FAAH: variants seen among roughly 807,000 people sequenced by gnomAD.
FAAH encodes fatty acid amide hydrolase, also known as fatty-acid amide hydrolase 1.
In FAAH, 63 loss-of-function variants were observed where a neutral mutation model predicts 69.7. The observed-to-expected ratio is 0.90, with a 90% confidence interval of 0.74 to 1.12. The LOEUF (loss-of-function observed/expected upper bound fraction) is 1.12. Among genes scored for constraint, FAAH ranks in the 50% most tolerant of loss-of-function variants. The probability of loss-of-function intolerance (pLI) is 0.00; values close to 1 mark genes in which losing one functional copy is unlikely to be tolerated. For missense variants in FAAH, 680 were observed against 755.0 expected, an observed-to-expected ratio of 0.90 and a Z score of 1.16; for synonymous variants, 305 against 324.2, an observed-to-expected ratio of 0.94 and a Z score of 0.64.
At position 46,404,977 on chromosome 1, in the gene FAAH, G is replaced by A. The variant is rs1417064298; in HGVS notation, c.310-37G>A. 3 of 1,613,522 alleles carry A rather than the reference G, an allele frequency of 1.9e-6. No individual in the cohort carries two copies. The African/African-American group carries it at 4.0e-5, about 22-fold the overall frequency. On this transcript the variant is annotated intron_variant, in intron 2 of 14. Coordinates refer to ENST00000243167, the MANE Select transcript of FAAH (RefSeq NM_001441.3). This position sits in a 1 kb window ranked among gnomAD's most constrained non-coding sequence, Gnocchi z 4.5. Reference sequence around the variant, plus strand: ...TCACCACAATTTCTTAAAAAGGCCAGCCTCCTTTTATCTTATGTCTACTTC... The same window carrying A: ...TCACCACAATTTCTTAAAAAGGCCAACCTCCTTTTATCTTATGTCTACTTC...
Position 46,413,742 on chromosome 1 carries a change from T to G in FAAH, c.*167T>G. The G allele has an allele frequency of 5.4e-6, 5 of 921,006 alleles. No individual in the cohort carries two copies. The highest frequency in any genetic ancestry group is 8.4e-6 in the Non-Finnish European group (5 of 597,444). 57.1% of individuals were successfully genotyped at this position (921,006 alleles called of 1,614,324 possible). A position where few individuals can be genotyped will look rare whatever the true frequency, so the allele number is the denominator to read the frequency against. On this transcript the variant is annotated 3_prime_UTR_variant, in exon 15 of 15. Coordinates refer to ENST00000243167, the MANE Select transcript of FAAH (RefSeq NM_001441.3). ...AGCGCCGACTCCCTGAGTCTGGACC[T>G]CCATCCCTGCTCTGGTCCCCTCTCT... is the stretch of plus-strand genomic sequence containing the variant.
rs1479887822 is a variant in FAAH, at chr1:46,411,519, G to A, written c.1317-93G>A. 3.0e-6 allele frequency: 4 copies of A among 1,347,958 alleles called. No individual in the cohort carries two copies. The highest frequency in any genetic ancestry group is 4.2e-6 in the Non-Finnish European group (4 of 950,656). 83.5% of individuals were successfully genotyped at this position (1,347,958 alleles called of 1,614,324 possible). ...TGGGGTTGTGAAGGGTCCACGGAGG[G>A]GTGAGATCTAGAGGGTTGGCAGTAG... On this transcript the variant is annotated intron_variant, in intron 11 of 14. Transcript: ENST00000243167. The surrounding 1 kb of genome is among the most constrained non-coding windows in gnomAD (Gnocchi z 4.8).
At chr1:46,395,727 A>G (rs138318248) in intron 1 of FAAH, among the ~76,000 whole-genome samples, 1 of 152,290 alleles carries the variant, frequency 6.6e-6, no homozygotes, top group Non-Finnish European at 1.5e-5. Context: ...TCCGCAAGTG[A>G]TTTTTGAGTT....
Position 46,410,461 on chromosome 1 carries a change from G to A in FAAH, c.1239G>A (p.Trp413Ter). The A allele has an allele frequency of 6.2e-7, 1 of 1,614,084 alleles. No homozygotes were observed. Among genetic ancestry groups the A allele is most frequent in the Non-Finnish European group, 8.5e-7 (1 of 1,179,980 alleles). Reference protein sequence around the residue: ...DLVSILKLPQWLKGLLAFLVK... With the variant: ...DLVSILKLPQ Reference sequence around the variant, plus strand: ...TCTCAATTCTGAAGCTTCCCCAATGGCTTAAAGGACTGCTGGCCTTCCTGG... The same window carrying A: ...TCTCAATTCTGAAGCTTCCCCAATGACTTAAAGGACTGCTGGCCTTCCTGG... The change falls in exon 10 of 15, where the codon TGG becomes TGA. Residue 413 changes from tryptophan to a stop codon, truncating the protein, a stop_gained. Coordinates refer to ENST00000243167, the MANE Select transcript of FAAH (RefSeq NM_001441.3). LOFTEE classifies it high-confidence loss of function. The surrounding 1 kb of genome is among the most constrained non-coding windows in gnomAD (Gnocchi z 4.9).
rs189552718 is a variant in FAAH at position 46,394,943 on chromosome 1, T to G, written c.195+400T>G. On this transcript the variant is annotated intron_variant, in intron 1 of 14. Coordinates refer to ENST00000243167, the MANE Select transcript of FAAH (RefSeq NM_001441.3). ...AGCTTAGAGTTTTGTTTTTTGTTTT[T>G]TTTTGTTTTGTTTTGAGACGGAGTC... is the stretch of plus-strand genomic sequence containing the variant. 7.7e-4 allele frequency among the ~76,000 whole-genome samples: 118 copies of G among 152,260 alleles called. 1 individual carries two copies. The highest frequency in any genetic ancestry group is 2.7e-3 in the African/African-American group (112 of 41,550).
intron 1 of FAAH, among the ~76,000 whole-genome samples, chr1:46,396,855 T>C (rs1157420903): frequency 6.6e-6 from 1 of 152,224 alleles, no homozygotes; most frequent in Non-Finnish European, 1.5e-5. Flanking sequence ...TGTGTTGCGG[T>C]TTTGGCTGGC....
intron 1 of FAAH, among the ~76,000 whole-genome samples, chr1:46,397,181 A>G (rs974227018): frequency 6.6e-6 from 1 of 152,206 alleles, no homozygotes; most frequent in Non-Finnish European, 1.5e-5. Context: ...TGCCAGCTCC[A>G]AGAGCAGCGT....
Position 46,405,793 on chromosome 1 carries a change from A to C in FAAH, c.784A>C (p.Ser262Arg). ...CGLKPTGNRL[S>R]KSGLKGCVYG... ...CCTCAAGCCCACAGGGAACCGCCTC[A>C]GGTAAGGTGGGTGGAGGGCGCTTCT... is the stretch of plus-strand genomic sequence containing the variant. The change falls in exon 5 of 15, where the codon AGC (serine) becomes CGC (arginine). Residue 262 changes from serine (S) to arginine (R), a missense_variant and splice_region_variant. Ser to Arg is a moderately radical substitution (Grantham distance 110, BLOSUM62 -1). Transcript: ENST00000243167. The surrounding 1 kb of genome is among the most constrained non-coding windows in gnomAD (Gnocchi z 4.1). 6.2e-7 allele frequency: 1 copy of C among 1,613,298 alleles called. No individual in the cohort carries two copies. The highest frequency in any genetic ancestry group is 2.2e-5 in the East Asian group (1 of 44,870).
In FAAH at chr1:46,404,715, C is replaced by T. The variant is rs558325261; in HGVS notation, c.310-299C>T. Among the ~76,000 whole-genome samples the T allele has an allele frequency of 9.2e-5, 14 of 152,274 alleles. No homozygotes were observed. In the South Asian group the frequency reaches 2.5e-3, roughly 27 times the overall value. ...TGGCCAGTGGTCATCTTCCTCCCAG[C>T]TCACCCCCTACCTGGGGGGCACCTG... On this transcript the variant is annotated intron_variant, in intron 2 of 14. Transcript: ENST00000243167. This position sits in a 1 kb window ranked among gnomAD's most constrained non-coding sequence, Gnocchi z 4.5.
chr1:46,402,724 G>A (rs1483885115), intron 2 of FAAH, among the ~76,000 whole-genome samples: 2 of 148,024 alleles, frequency 1.4e-5, no homozygotes, highest in Non-Finnish European at 3.0e-5. Context: ...ATGGAGTCTC[G>A]CTCTGTTGCC....
At position 46,405,156 on chromosome 1, in the gene FAAH, C is replaced by T. The variant is rs1254752428; in HGVS notation, c.444+8C>T. On this transcript the variant is annotated splice_region_variant and intron_variant, in intron 3 of 14. Transcript: ENST00000243167. The surrounding 1 kb of genome is among the most constrained non-coding windows in gnomAD (Gnocchi z 4.1). The stretch of plus-strand genomic sequence containing the variant: ...GAGTGCTTCACCTACAAGGTATGCT[C>T]TGCCTCAGCGCCAGGCCTCCATCGT... 2 of 1,613,542 alleles carry T rather than the reference C, an allele frequency of 1.2e-6. No individual in the cohort carries two copies. Among genetic ancestry groups the T allele is most frequent in the Non-Finnish European group, 8.5e-7 (1 of 1,180,056 alleles).
chr1:46,413,609 T>G lies in FAAH; in HGVS notation c.*34T>G, dbSNP rs748179049. On this transcript the variant is annotated 3_prime_UTR_variant, in exon 15 of 15. Transcript: ENST00000243167. The stretch of plus-strand genomic sequence containing the variant: ...GCTCCAGAGGACCTGAGACTCACAC[T>G]CTCTGCAGCCCAGCCTAGTCAGGGC... The G allele has an allele frequency of 2.5e-6, 4 of 1,613,624 alleles. No individual in the cohort carries two copies. In the Admixed American group the frequency reaches 6.7e-5, roughly 27 times the overall value.
chr1:46,394,547 A>G lies in FAAH; in HGVS notation c.195+4A>G. ...GGCGCAGCGCTTCCGGCTCCAGGTG[A>G]CTGCCGGAGCGTAGTGGGATGGGCG... On this transcript the variant is annotated splice_donor_region_variant and intron_variant, in intron 1 of 14. Coordinates refer to ENST00000243167, the MANE Select transcript of FAAH (RefSeq NM_001441.3). 1 of 1,350,312 alleles carries G rather than the reference A, an allele frequency of 7.4e-7. No individual in the cohort carries two copies. Among genetic ancestry groups the G allele is most frequent in the Non-Finnish European group, 9.4e-7 (1 of 1,058,574 alleles). The allele number at this position is 1,350,312 out of a possible 1,614,324, so 83.6% of individuals were successfully genotyped here.
At chr1:46,407,634 G>A (rs1183393910) in intron 7 of FAAH, among the ~76,000 whole-genome samples, 1 of 152,056 alleles carries the variant, frequency 6.6e-6, no homozygotes, top group African/African-American at 2.4e-5. Context: ...GGGGTTGAAG[G>A]CCAGAAACAG....
Position 46,410,318 on chromosome 1 carries a change from T to C in FAAH, c.1176-80T>C, listed in dbSNP as rs1664887799. ...GTGGACAGGATCCCTGCATAGAGAA[T>C]GGGATTGCTGTGGGCCGGGCGAGCA... On this transcript the variant is annotated intron_variant, in intron 9 of 14. Coordinates refer to ENST00000243167, the MANE Select transcript of FAAH (RefSeq NM_001441.3). The surrounding 1 kb of genome is among the most constrained non-coding windows in gnomAD (Gnocchi z 4.9). 1.0e-5 allele frequency: 11 copies of C among 1,065,180 alleles called. No homozygotes were observed. In the East Asian group the frequency reaches 2.1e-4, roughly 21 times the overall value. 66.0% of individuals were successfully genotyped at this position (1,065,180 alleles called of 1,614,324 possible).
chr1:46,394,482 G>C lies in FAAH; in HGVS notation c.134G>C (p.Arg45Pro). Residue 45 changes from arginine (R) to proline (P), a missense_variant, in exon 1 of 15, where the codon CGA becomes CCA. Arg to Pro is a moderately radical substitution (Grantham distance 103). Transcript: ENST00000243167. ...GCGCGGGGCGCGGTGGTCCGGGCGCGACAGAGGCAGCGAGCGGGCCTGGAG... is the reference window on the plus strand; with the variant it reads ...GCGCGGGGCGCGGTGGTCCGGGCGCCACAGAGGCAGCGAGCGGGCCTGGAG... ...RTARGAVVRA[R>P]QRQRAGLENM... is the part of the protein sequence containing the mutation. The C allele has an allele frequency of 7.2e-7, 1 of 1,394,712 alleles. No individual in the cohort carries two copies. Among genetic ancestry groups the C allele is most frequent in the Non-Finnish European group, 9.3e-7 (1 of 1,080,232 alleles). 86.4% of individuals were successfully genotyped at this position (1,394,712 alleles called of 1,614,324 possible).
chr1:46,403,401 C>A (rs145160843), intron 2 of FAAH, among the ~76,000 whole-genome samples: 87 of 152,336 alleles, frequency 5.7e-4, no homozygotes, highest in Middle Eastern at 6.8e-3. Flanking sequence ...CTGGCCTGTT[C>A]TCTTCTTTTA....
intron 8 of FAAH, 89 bp from the exon 9 acceptor site, chr1:46,409,012 C>T: frequency 2.7e-6 from 3 of 1,092,234 alleles, no homozygotes; most frequent in Non-Finnish European, 4.2e-6. Context: ...CAGGGTTGGT[C>T]CAATCCATCC....
chr1:46,408,446 G>A lies in FAAH; in HGVS notation c.952-13G>A. The A allele has an allele frequency of 6.2e-7, 1 of 1,614,086 alleles. No homozygotes were observed. The highest frequency in any genetic ancestry group is 8.5e-7 in the Non-Finnish European group (1 of 1,180,010). On this transcript the variant is annotated splice_polypyrimidine_tract_variant and intron_variant, in intron 7 of 14. Coordinates refer to ENST00000243167, the MANE Select transcript of FAAH (RefSeq NM_001441.3). ...CTCCTGACCTGCCCCTGTCCCCTGT[G>A]TTTTCCCTCCAGGTCTACACCAGCT...
Sources: gnomAD v4.1 joint callset for allele counts (sites outside exome capture counted in the v4.1 genomes callset) on GRCh38, gnomAD v4.1.1 for gene constraint, Gnocchi (gnomAD v3.1) non-coding constraint, MANE v1.5 for transcripts, NCBI Gene and HGNC (gene_info 2026-07-23, HGNC 2026-07-21) for gene names.